The following SYNDIG1L variants were observed in gnomAD, a reference collection of about 807,000 sequenced individuals.
SYNDIG1L encodes the protein synapse differentiation inducing 1 like.
A neutral mutation model predicts 20.1 loss-of-function variants in SYNDIG1L; 13 were observed. The ratio of observed to expected loss-of-function variants is 0.65; its 90% CI spans 0.42 to 1.03. The LOEUF is 1.03. Ranked by LOEUF, SYNDIG1L falls within the 50% of genes least tolerant of loss-of-function variation. SYNDIG1L has a pLI of 0.00. For synonymous variants in SYNDIG1L, 128 were observed against 129.3 expected, an observed-to-expected ratio of 0.99 and a Z score of 0.07; for missense variants, 294 against 305.1, an observed-to-expected ratio of 0.96 and a Z score of 0.27.
the SYNDIG1L span, among the ~76,000 whole-genome samples, chr14:74,477,609 C>A: frequency 6.8e-6 from 1 of 147,450 alleles, no homozygotes; most frequent in Non-Finnish European, 1.5e-5. Context: ...TTACTCCATG[C>A]TTGTTGCTTT....
the SYNDIG1L span, among the ~76,000 whole-genome samples, chr14:74,460,756 C>T: frequency 3.9e-5 from 6 of 152,308 alleles, no homozygotes; most frequent in African/African-American, 1.4e-4. Context: ...CCACCTCAGC[C>T]TCCCATGTAT....
intron 1 of SYNDIG1L, among the ~76,000 whole-genome samples, chr14:74,419,935 C>T (rs2139629347): frequency 6.6e-6 from 1 of 151,888 alleles, no homozygotes; most frequent in African/African-American, 2.4e-5. Context: ...GGAAGGCCTC[C>T]CATGCCATGC....
chr14:74,480,111 C>G, the SYNDIG1L span: 1 of 1,553,602 alleles, frequency 6.4e-7, no homozygotes, highest in Non-Finnish European at 8.7e-7. Flanking sequence ...CCACTGAGAA[C>G]CAGCCACCCG....
Position 74,407,706 on chromosome 14 carries a change from A to T in SYNDIG1L, c.559-13T>A, listed in dbSNP as rs1279661562. The T allele has an allele frequency of 1.3e-6, 2 of 1,593,600 alleles. No homozygotes were observed. The highest frequency in any genetic ancestry group is 1.7e-5 in the Admixed American group (1 of 58,792). ...TGGCCTTGCTGGTCTAGGGAGAGAG[A>T]CATGCTGATGAACAGGAGTGTCCCC... is the stretch of plus-strand genomic sequence containing the variant. On this transcript the variant is annotated splice_polypyrimidine_tract_variant and intron_variant, in intron 3 of 3. Transcript: ENST00000331628.
the SYNDIG1L span, among the ~76,000 whole-genome samples, chr14:74,469,855 G>T: frequency 2.0e-5 from 3 of 152,084 alleles, no homozygotes; most frequent in Admixed American, 6.6e-5. Context: ...TTTGCTTATT[G>T]TTCTGGGTGG....
the SYNDIG1L span, chr14:74,474,650 C>A: frequency 3.3e-5 from 5 of 152,296 alleles, no homozygotes; most frequent in African/African-American, 1.2e-4. Context: ...GGCCAGGGAG[C>A]CTTCAGGCTG....
chr14:74,435,606 C>T, the SYNDIG1L span, among the ~76,000 whole-genome samples: 1 of 152,150 alleles, frequency 6.6e-6, no homozygotes, highest in Admixed American at 6.5e-5. Flanking sequence ...CTTCTTTTTA[C>T]CTCCGTAATA....
chr14:74,436,584 C>T, the SYNDIG1L span, among the ~76,000 whole-genome samples: 247 of 151,980 alleles, frequency 1.6e-3, 1 homozygote, highest in African/African-American at 5.7e-3. Context: ...TGCAGTGGCT[C>T]ACACGTGTAA....
the SYNDIG1L span, among the ~76,000 whole-genome samples, chr14:74,461,257 A>G: frequency 6.6e-6 from 1 of 151,744 alleles, no homozygotes; most frequent in African/African-American, 2.4e-5. Flanking sequence ...CATCACACCA[A>G]TTTTCTCTTT....
chr14:74,411,052 C>T (rs1490573396), intron 1 of SYNDIG1L, among the ~76,000 whole-genome samples: 1 of 152,140 alleles, frequency 6.6e-6, no homozygotes, highest in Non-Finnish European at 1.5e-5. Context: ...GGAGAGAGGC[C>T]AGGGGCAGGC....
the SYNDIG1L span, chr14:74,479,875 G>C: frequency 1.2e-6 from 1 of 835,800 alleles, no homozygotes; most frequent in Non-Finnish European, 1.6e-6. Context: ...CGGAACTGGG[G>C]GCCTGCCTTC....
chr14:74,423,986 G>A lies in SYNDIG1L; in HGVS notation c.-58+1926C>T, dbSNP rs375074315. Among the ~76,000 whole-genome samples, 4 of 152,202 alleles carry A rather than the reference G, an allele frequency of 2.6e-5. No homozygotes were observed. The East Asian group carries it at 7.7e-4, about 29-fold the overall frequency. On this transcript the variant is annotated intron_variant, in intron 1 of 3. Coordinates refer to ENST00000331628, the MANE Select transcript of SYNDIG1L (RefSeq NM_001105579.2). ...CTGAGTCACACTTATGGCTTTCCCA[G>A]AGAAATAAGAGAGGGGGTTCTTAAG... is the stretch of plus-strand genomic sequence containing the variant.
At chr14:74,413,194 C>G (rs1369186039) in intron 1 of SYNDIG1L, among the ~76,000 whole-genome samples, 1 of 152,184 alleles carries the variant, frequency 6.6e-6, no homozygotes, top group African/African-American at 2.4e-5. Context: ...CAAAGTACAC[C>G]CAGCTGAGCC....
chr14:74,476,727 C>T, the SYNDIG1L span: 2 of 627,402 alleles, frequency 3.2e-6, no homozygotes, highest in Non-Finnish European at 5.5e-6. Context: ...TCTCCACCCT[C>T]CCCTCCACCC....
chr14:74,476,693 C>A, the SYNDIG1L span: 1 of 849,990 alleles, frequency 1.2e-6, no homozygotes, highest in South Asian at 1.7e-5. Context: ...GACCCTTGAG[C>A]CACCTATGCA....
the SYNDIG1L span, among the ~76,000 whole-genome samples, chr14:74,449,039 C>T: frequency 1.3e-5 from 2 of 151,938 alleles, no homozygotes; most frequent in Admixed American, 6.6e-5. Context: ...CAAGTCTAGA[C>T]TGGGCAACAA....
At chr14:74,462,580 AC>A in the SYNDIG1L span, among the ~76,000 whole-genome samples, 5,323 of 151,606 alleles carry the variant, frequency 0.035, 333 homozygotes, top group African/African-American at 0.12. Context: ...ATCATGGCTC[AC>A]TGCAGCCCTG....
At chr14:74,461,549 C>T in the SYNDIG1L span, among the ~76,000 whole-genome samples, 1 of 152,108 alleles carries the variant, frequency 6.6e-6, no homozygotes, top group African/African-American at 2.4e-5. Context: ...CTCTTTCCAC[C>T]TGCCCGAAAA....
At chr14:74,424,778 C>A (rs573351404) in intron 1 of SYNDIG1L, among the ~76,000 whole-genome samples, 9 of 152,124 alleles carry the variant, frequency 5.9e-5, no homozygotes, top group Non-Finnish European at 1.3e-4. Context: ...GCAGCGCACA[C>A]TGGTATGGAG....
Sources: allele counts gnomAD v4.1 joint callset (sites outside exome capture counted in the v4.1 genomes callset), GRCh38; gene constraint gnomAD v4.1.1; transcripts MANE v1.5; gene names NCBI Gene and HGNC (gene_info 2026-07-23, HGNC 2026-07-21).